The following MIIP variants were observed in gnomAD, a reference collection of about 807,000 sequenced individuals.
MIIP encodes migration and invasion inhibitory protein.
MIIP carries 44 observed loss-of-function variants against 44.8 expected under a neutral mutation model. The observed-to-expected ratio is 0.98, with a 90% confidence interval of 0.77 to 1.26. The LOEUF (loss-of-function observed/expected upper bound fraction) is 1.26. MIIP is among the 50% of genes most tolerant of loss of function. The probability of loss-of-function intolerance (pLI) is 0.00; values close to 1 mark genes in which losing one functional copy is unlikely to be tolerated. For synonymous variants in MIIP, 225 were observed against 218.3 expected, an observed-to-expected ratio of 1.03 and a Z score of -0.27; for missense variants, 496 against 511.7, an observed-to-expected ratio of 0.97 and a Z score of 0.30.
rs528563224 is a variant in MIIP at position 12,021,579 on chromosome 1, C to T, written c.-82-66C>T. ...CTGAGGCAGTACAGTTAAAGAGTGT[C>T]GAATGGGGGTCTCTGGCACCACAGG... On this transcript the variant is annotated intron_variant, in intron 1 of 9. Transcript: ENST00000235332. 79 of 658,702 alleles carry T rather than the reference C, an allele frequency of 1.2e-4. 1 individual carries two copies. The East Asian group carries it at 2.0e-3, about 16-fold the overall frequency. The allele number at this position is 658,702 out of a possible 1,614,324, so 40.8% of individuals were successfully genotyped here.
At chr1:12,022,487 T>TG in intron 3 of MIIP, 45 bp downstream of exon 3, 1 of 1,419,358 alleles carries the variant, frequency 7.0e-7, no homozygotes, top group South Asian at 1.5e-5. Flanking sequence ...GGAGCTTCCT[T>TG]GGGCCTCAGT....
chr1:12,025,040 G>GTTGTTTTT (rs1640074475), intron 4 of MIIP, among the ~76,000 whole-genome samples: 2 of 138,848 alleles, frequency 1.4e-5, no homozygotes, highest in Non-Finnish European at 3.0e-5. Flanking sequence ...TTTTTTTTTT[G>GTTGTTTTT]TTTTTTGTTT....
chr1:12,021,632 G>A lies in MIIP; in HGVS notation c.-82-13G>A. On this transcript the variant is annotated splice_polypyrimidine_tract_variant and intron_variant, in intron 1 of 9. Coordinates refer to ENST00000235332, the MANE Select transcript of MIIP (RefSeq NM_021933.4). Reference sequence around the variant, plus strand: ...ACCCTACTGAGCCCCGTGTCCTGCTGTCTTGACTTCAGGTAGAAGAGCTGG... The same window carrying A: ...ACCCTACTGAGCCCCGTGTCCTGCTATCTTGACTTCAGGTAGAAGAGCTGG... 2 of 1,113,652 alleles carry A rather than the reference G, an allele frequency of 1.8e-6. No homozygotes were observed. Among genetic ancestry groups the A allele is most frequent in the Non-Finnish European group, 2.6e-6 (2 of 756,536 alleles). The allele number at this position is 1,113,652 out of a possible 1,614,324, so 69.0% of individuals were successfully genotyped here. A position where few individuals can be genotyped will look rare whatever the true frequency, so the allele number is the denominator to read the frequency against.
chr1:12,028,635 T>A, intron 4 of MIIP: 1 of 177,632 alleles, frequency 5.6e-6, no homozygotes, highest in Admixed American at 5.5e-5. Context: ...GCTGCTCTCT[T>A]GCTTTCTGGC....
At chr1:12,020,930 C>T (rs1378449927) in intron 1 of MIIP, among the ~76,000 whole-genome samples, 1 of 152,162 alleles carries the variant, frequency 6.6e-6, no homozygotes, top group Non-Finnish European at 1.5e-5. Flanking sequence ...AGGTGATCCT[C>T]CTGCCTCAGC....
At chr1:12,030,209 G>A in intron 8 of MIIP, 85 bp downstream of exon 8, 1 of 1,306,762 alleles carries the variant, frequency 7.7e-7, no homozygotes, top group Admixed American at 1.9e-5. Flanking sequence ...CACAGAGCGA[G>A]ACTGGGCTCG....
intron 4 of MIIP, among the ~76,000 whole-genome samples, chr1:12,026,080 G>A (rs1262111940): frequency 6.6e-6 from 1 of 151,344 alleles, no homozygotes; most frequent in Admixed American, 6.6e-5. Context: ...CGAGGTGGGC[G>A]AATCACTTGA....
intron 1 of MIIP, among the ~76,000 whole-genome samples, chr1:12,020,015 A>G (rs1639936764): frequency 6.6e-6 from 1 of 151,936 alleles, no homozygotes; most frequent in African/African-American, 2.4e-5. Flanking sequence ...GTAGTCGGCT[A>G]CTCTGTGCTC....
rs191496247 is a variant in MIIP at position 12,023,529 on chromosome 1, G to A, written c.547+612G>A. ...TACCATTCTCCTGCCTCAGCCTCCCGAGTAGCTGGGACTACAGGTGCCTGC... is the reference window on the plus strand; with the variant it reads ...TACCATTCTCCTGCCTCAGCCTCCCAAGTAGCTGGGACTACAGGTGCCTGC... On this transcript the variant is annotated intron_variant, in intron 4 of 9. Transcript: ENST00000235332. Among the ~76,000 whole-genome samples the A allele has an allele frequency of 6.6e-4, 100 of 151,462 alleles. 1 individual carries two copies. The highest frequency in any genetic ancestry group is 2.3e-3 in the African/African-American group (97 of 41,446).
chr1:12,022,543 T>C, intron 3 of MIIP, 101 bp downstream of exon 3: 1 of 1,024,360 alleles, frequency 9.8e-7, no homozygotes, highest in South Asian at 1.7e-5. Flanking sequence ...CCTTGCAGAA[T>C]AAGAGGCTCC....
intron 4 of MIIP, among the ~76,000 whole-genome samples, chr1:12,027,947 C>G (rs1235675240): frequency 6.6e-5 from 10 of 152,216 alleles, no homozygotes; most frequent in African/African-American, 2.4e-4. Flanking sequence ...TGCGGTGGCT[C>G]ACGCCTGTAA....
chr1:12,022,159 CT>C lies in MIIP; in HGVS notation c.181del (p.Ser61ProfsTer2). On this transcript the variant is annotated frameshift_variant, in exon 3 of 10. Coordinates refer to ENST00000235332, the MANE Select transcript of MIIP (RefSeq NM_021933.4). LOFTEE classifies it high-confidence loss of function. ...ETPSTPETSS[T>X]SLSTSCPRGR... The stretch of plus-strand genomic sequence containing the variant: ...CCATCGACCCCAGAGACGTCCTCAA[CT>C]TCCTTGAGCACCTCCTGCCCACGGG... 1.2e-6 allele frequency: 2 copies of C among 1,614,070 alleles called. No individual in the cohort carries two copies. Among genetic ancestry groups the C allele is most frequent in the Non-Finnish European group, 1.7e-6 (2 of 1,179,998 alleles).
At chr1:12,023,479 C>T (rs1441880074) in intron 4 of MIIP, among the ~76,000 whole-genome samples, 3 of 151,448 alleles carry the variant, frequency 2.0e-5, no homozygotes, top group African/African-American at 7.3e-5. Flanking sequence ...TCTCGGCTCA[C>T]TGCAAGCCCC....
intron 4 of MIIP, among the ~76,000 whole-genome samples, chr1:12,024,342 CT>C (rs1393179384): frequency 6.6e-6 from 1 of 152,224 alleles, no homozygotes; most frequent in East Asian, 1.9e-4. Context: ...TGGTTTCCCC[CT>C]GGCCTATGTC....
chr1:12,028,320 C>G (rs1399199269), intron 4 of MIIP, among the ~76,000 whole-genome samples: 1 of 152,164 alleles, frequency 6.6e-6, no homozygotes, highest in African/African-American at 2.4e-5. Flanking sequence ...CTTGAAGCAG[C>G]CAGAGGAGGA....
intron 4 of MIIP, among the ~76,000 whole-genome samples, chr1:12,026,883 TA>T (rs1225851294): frequency 6.6e-6 from 1 of 152,196 alleles, no homozygotes; most frequent in Non-Finnish European, 1.5e-5. Context: ...GCCACATTCC[TA>T]CCTTTAGCCC....
At chr1:12,030,282 A>C (rs952296486) in intron 8 of MIIP, among the ~76,000 whole-genome samples, 158 bp downstream of exon 8, 2 of 152,120 alleles carry the variant, frequency 1.3e-5, no homozygotes. Context: ...CCACACCTGT[A>C]CCTAAGGGAG....
chr1:12,031,734 C>T lies in MIIP; in HGVS notation c.1093C>T (p.Gln365Ter), dbSNP rs748134165. ...ATTCCCCATCCAGGCCTCACCAATG[C>T]AGATGCTGCCCCCGACCCCGACCTG... ...SSPFHPASPMQMLPPTPTWSV... is the reference protein window; with the variant it reads ...SSPFHPASPM The change falls in exon 10 of 10, where the codon CAG becomes TAG. Residue 365 changes from glutamine to a stop codon, truncating the protein, a stop_gained. Transcript: ENST00000235332. LOFTEE classifies it low-confidence loss of function (END_TRUNC). 1.2e-6 allele frequency: 2 copies of T among 1,614,138 alleles called. No homozygotes were observed. The highest frequency in any genetic ancestry group is 1.7e-6 in the Non-Finnish European group (2 of 1,180,004).
chr1:12,030,330 G>C (rs1275014348), intron 8 of MIIP, among the ~76,000 whole-genome samples: 1 of 152,128 alleles, frequency 6.6e-6, no homozygotes, highest in Admixed American at 6.5e-5. Flanking sequence ...TGCTTCCAGG[G>C]TGATCTGCCT....
Sources: gnomAD v4.1 joint callset for allele counts (sites outside exome capture counted in the v4.1 genomes callset) on GRCh38, gnomAD v4.1.1 for gene constraint, MANE v1.5 for transcripts, NCBI Gene and HGNC (gene_info 2026-07-23, HGNC 2026-07-21) for gene names.